IKBKB: variants seen among roughly 807,000 people sequenced by gnomAD.
The protein encoded by IKBKB is inhibitor of nuclear factor kappa-B kinase subunit beta.
In IKBKB, 42 loss-of-function variants were observed where a neutral mutation model predicts 113.6. The ratio of observed to expected loss-of-function variants is 0.37; its 90% CI spans 0.29 to 0.48. The LOEUF is 0.48. Ranked by LOEUF, IKBKB falls within the 20% of genes least tolerant of loss-of-function variation. The probability of loss-of-function intolerance (pLI) is 0.99; values close to 1 mark genes in which losing one functional copy is unlikely to be tolerated. For missense variants in IKBKB, 673 were observed against 939.7 expected (o/e 0.72, Z 3.71); for synonymous variants, 296 against 361.3 (o/e 0.82, Z 2.05).
At chr8:42,281,901 C>T (rs1323808865) in intron 2 of IKBKB, among the ~76,000 whole-genome samples, 1 of 152,240 alleles carries the variant, frequency 6.6e-6, no homozygotes, top group South Asian at 2.1e-4. Flanking sequence ...TCCCCTGAGT[C>T]GCTGGAAGAG....
chr8:42,307,781 C>T (rs1180126324), intron 7 of IKBKB, among the ~76,000 whole-genome samples: 6 of 152,210 alleles, frequency 3.9e-5, no homozygotes, highest in Admixed American at 3.9e-4. Flanking sequence ...GTCATGTACT[C>T]ACATGAGCTA....
chr8:42,319,372 C>T lies in IKBKB; in HGVS notation c.1467C>T (p.Ser489=), dbSNP rs56105162. 427 of 1,614,174 alleles carry T rather than the reference C, an allele frequency of 2.6e-4. 4 individuals carry two copies. The East Asian group carries it at 8.1e-3, about 31-fold the overall frequency. ...CCAAGTTGGATTTCTTCAAAACCAG[C>T]ATCCAGATTGACCTGGAGAAGTACA... ...LKAKLDFFKT[S]IQIDLEKYSE... The change falls in exon 14 of 22, where the codon AGC becomes AGT. Residue 489 remains serine (S), a synonymous_variant. Coordinates refer to ENST00000520810, the MANE Select transcript of IKBKB (RefSeq NM_001556.3).
rs2294099 is a variant in IKBKB at position 42,317,535 on chromosome 8, A to G, written c.1126-122A>G. On this transcript the variant is annotated intron_variant, in intron 11 of 21. Coordinates refer to ENST00000520810, the MANE Select transcript of IKBKB (RefSeq NM_001556.3). ...GTTAAACACTTCATGGATGCTTCCT[A>G]CTTGCTGGCTGAAGATGATGCTCTT... 3.3e-3 allele frequency: 2,294 copies of G among 693,210 alleles called. 59 individuals are homozygous for G. The East Asian group carries it at 0.055, about 17-fold the overall frequency. 42.9% of individuals were successfully genotyped at this position (693,210 alleles called of 1,614,324 possible).
chr8:42,310,957 T>G (rs1817587544), intron 8 of IKBKB, among the ~76,000 whole-genome samples: 2 of 152,256 alleles, frequency 1.3e-5, no homozygotes, highest in Admixed American at 1.3e-4. Flanking sequence ...AATTTTTACT[T>G]CTTAAAATAA....
intron 2 of IKBKB, among the ~76,000 whole-genome samples, chr8:42,273,329 C>T (rs1326743105): frequency 6.6e-6 from 1 of 151,622 alleles, no homozygotes; most frequent in Non-Finnish European, 1.5e-5. Context: ...GCAGGAGAAT[C>T]GCTTGAACCC....
At chr8:42,288,750 A>G (rs1438633331) in intron 3 of IKBKB, 22 bp downstream of exon 3, 1 of 1,577,502 alleles carries the variant, frequency 6.3e-7, no homozygotes. Context: ...GCGCATAGGG[A>G]CCCAAGGGAA....
intron 2 of IKBKB, among the ~76,000 whole-genome samples, chr8:42,280,926 T>C (rs1233786602): frequency 6.6e-6 from 1 of 152,130 alleles, no homozygotes; most frequent in African/African-American, 2.4e-5. Context: ...GTCACTTCTC[T>C]AGGGATTTAT....
intron 5 of IKBKB, among the ~76,000 whole-genome samples, chr8:42,302,892 A>C (rs988726072): frequency 6.6e-6 from 1 of 152,110 alleles, no homozygotes; most frequent in African/African-American, 2.4e-5. Context: ...TTGACTCTTA[A>C]ATATGTTTTC....
At chr8:42,318,778 T>A in intron 13 of IKBKB, 103 bp downstream of exon 13, 1 of 1,132,928 alleles carries the variant, frequency 8.8e-7, no homozygotes. Flanking sequence ...GCAACCGTTA[T>A]GAGCAACAAA....
chr8:42,302,217 G>T (rs934596413), intron 5 of IKBKB, among the ~76,000 whole-genome samples: 1 of 152,074 alleles, frequency 6.6e-6, no homozygotes. Flanking sequence ...CATTTGCTTT[G>T]ATTTTTAATA....
intron 5 of IKBKB, among the ~76,000 whole-genome samples, chr8:42,297,472 C>T (rs1271299448): frequency 1.3e-5 from 2 of 152,162 alleles, no homozygotes; most frequent in African/African-American, 2.4e-5. Context: ...ACTGTTGGCC[C>T]CTACTCTCTT....
At chr8:42,299,963 G>A (rs1197339317) in intron 5 of IKBKB, among the ~76,000 whole-genome samples, 1 of 152,204 alleles carries the variant, frequency 6.6e-6, no homozygotes, top group African/African-American at 2.4e-5. Context: ...CCGGGTTTGG[G>A]GCCAGTTGAC....
chr8:42,296,396 C>T (rs1031617645), intron 5 of IKBKB, among the ~76,000 whole-genome samples: 1 of 152,182 alleles, frequency 6.6e-6, no homozygotes, highest in Non-Finnish European at 1.5e-5. Context: ...CTTTGGGAGG[C>T]CGAGGTGGGC....
intron 4 of IKBKB, among the ~76,000 whole-genome samples, chr8:42,293,237 G>A (rs1201422049): frequency 6.6e-6 from 1 of 152,132 alleles, no homozygotes; most frequent in Non-Finnish European, 1.5e-5. Flanking sequence ...GCCCTGGGGT[G>A]GTCAGGACTG....
At chr8:42,298,845 C>G (rs762925807) in intron 5 of IKBKB, among the ~76,000 whole-genome samples, 11 of 152,200 alleles carry the variant, frequency 7.2e-5, no homozygotes, top group Non-Finnish European at 1.3e-4. Flanking sequence ...CGGGACATCT[C>G]TGACATCCGC....
intron 15 of IKBKB, chr8:42,320,014 A>G: frequency 5.0e-6 from 1 of 199,646 alleles, no homozygotes; most frequent in South Asian, 1.6e-4. Context: ...CTAAATCCAT[A>G]GGAAATAAAA....
chr8:42,311,411 A>C (rs1817660395), intron 8 of IKBKB, among the ~76,000 whole-genome samples: 1 of 152,010 alleles, frequency 6.6e-6, no homozygotes, highest in Non-Finnish European at 1.5e-5. Context: ...AAATACAAAA[A>C]TTAGCTGGGC....
chr8:42,304,259 A>G (rs1451544690), intron 5 of IKBKB, among the ~76,000 whole-genome samples: 1 of 152,254 alleles, frequency 6.6e-6, no homozygotes, highest in Non-Finnish European at 1.5e-5. Flanking sequence ...CCAAATAAAA[A>G]TAATTTTATC....
intron 3 of IKBKB, among the ~76,000 whole-genome samples, chr8:42,289,734 T>G (rs1450236259): frequency 1.3e-5 from 2 of 152,114 alleles, no homozygotes; most frequent in African/African-American, 2.4e-5. Context: ...TGTGTGTGCG[T>G]GAACCAACCT....
Sources: gnomAD v4.1 joint callset for allele counts (sites outside exome capture counted in the v4.1 genomes callset) on GRCh38, gnomAD v4.1.1 for gene constraint, MANE v1.5 for transcripts, NCBI Gene and HGNC (gene_info 2026-07-23, HGNC 2026-07-21) for gene names.